Variants in STPG2 observed in about 807,000 individuals in gnomAD.
The protein encoded by STPG2 is sperm-tail PG-rich repeat-containing protein 2.
STPG2 carries 56 observed loss-of-function variants against 54.2 expected under a neutral mutation model. The observed-to-expected ratio is 1.03, with a 90% CI of 0.83 to 1.29. STPG2 has a LOEUF of 1.29. Ranked by LOEUF, STPG2 falls within the 50% of genes most tolerant of loss-of-function variation. The pLI is 0.00. For missense variants in STPG2, 596 were observed against 544.9 expected (o/e 1.09, Z -0.93); for synonymous variants, 200 against 181.8 (o/e 1.10, Z -0.81).
At chr4:97,830,530 A>G (rs1249947225) in intron 9 of STPG2, among the ~76,000 whole-genome samples, 1 of 152,174 alleles carries the variant, frequency 6.6e-6, no homozygotes, top group East Asian at 1.9e-4. Context: ...AACAATATTA[A>G]CCTTAAATTT....
At chr4:98,033,725 C>T (rs1044118301) in intron 5 of STPG2, among the ~76,000 whole-genome samples, 1 of 152,118 alleles carries the variant, frequency 6.6e-6, no homozygotes, top group South Asian at 2.1e-4. Context: ...AAACCGAATC[C>T]AGTAGCACAT....
intron 4 of STPG2, among the ~76,000 whole-genome samples, chr4:97,482,091 T>C (rs1730236768): frequency 6.6e-6 from 1 of 151,754 alleles, no homozygotes; most frequent in African/African-American, 2.4e-5. Context: ...TTTAAGATAA[T>C]CATTTTTTTC....
chr4:97,687,452 G>A (rs1308485897), intron 10 of STPG2, among the ~76,000 whole-genome samples: 1 of 151,898 alleles, frequency 6.6e-6, no homozygotes, highest in Non-Finnish European at 1.5e-5. Context: ...TGAGTCTCCT[G>A]TCTCAGCTTC....
intron 7 of STPG2, among the ~76,000 whole-genome samples, chr4:97,971,099 T>A (rs567770957): frequency 5.9e-5 from 9 of 152,202 alleles, no homozygotes; most frequent in African/African-American, 2.2e-4. Context: ...CAAAACACAA[T>A]GAGATACCAT....
In STPG2 at chr4:97,565,705, C is replaced by T. The variant is rs559958173; in HGVS notation, c.1321-6588G>A. ...GAGTTTGCTAGAGGTCCACTCCAGACCCTGTTTGCCTGGGTACCAGCAGCG... is the reference window on the plus strand; with the variant it reads ...GAGTTTGCTAGAGGTCCACTCCAGATCCTGTTTGCCTGGGTACCAGCAGCG... On this transcript the variant is annotated intron_variant, in intron 10 of 10. Coordinates refer to ENST00000295268, the MANE Select transcript of STPG2 (RefSeq NM_174952.3). Among the ~76,000 whole-genome samples the T allele has an allele frequency of 4.6e-5, 7 of 152,308 alleles. No homozygotes were observed. The South Asian group carries it at 1.0e-3, about 23-fold the overall frequency.
At chr4:98,049,821 G>A (rs1410163361) in intron 5 of STPG2, among the ~76,000 whole-genome samples, 4 of 152,126 alleles carry the variant, frequency 2.6e-5, no homozygotes, top group African/African-American at 4.8e-5. Flanking sequence ...AAACATTTAT[G>A]TCCCTCCTGA....
At chr4:98,053,076 A>G (rs1737375275) in intron 5 of STPG2, among the ~76,000 whole-genome samples, 1 of 152,234 alleles carries the variant, frequency 6.6e-6, no homozygotes, top group Admixed American at 6.5e-5. Context: ...ATGGCTGGCT[A>G]GTTGGTTAGT....
At chr4:97,451,649 G>C (rs1729368400) in intron 4 of STPG2, among the ~76,000 whole-genome samples, 1 of 152,086 alleles carries the variant, frequency 6.6e-6, no homozygotes, top group Non-Finnish European at 1.5e-5. Flanking sequence ...TATATTTGGA[G>C]GTATCAGAAT....
At chr4:97,742,448 A>C (rs1181938779) in intron 9 of STPG2, among the ~76,000 whole-genome samples, 1 of 150,998 alleles carries the variant, frequency 6.6e-6, no homozygotes, top group Non-Finnish European at 1.5e-5. Context: ...TGCCATGTTC[A>C]TTTTGGCATT....
At position 97,923,381 on chromosome 4, in the gene STPG2, G is replaced by A. The variant is rs187480163; in HGVS notation, c.1044+20516C>T. ...CTGCTCCAGGGCGCCCCGTCCCATC[G>A]ACTGCCCAAGGGCTAAGGAGTGCAG... is the stretch of plus-strand genomic sequence containing the variant. On this transcript the variant is annotated intron_variant, in intron 8 of 10. Transcript: ENST00000295268. 9.2e-3 allele frequency among the ~76,000 whole-genome samples: 1,285 copies of A among 139,504 alleles called. 6 individuals carry two copies. Among genetic ancestry groups the A allele is most frequent in the Non-Finnish European group, 0.013 (890 of 66,002 alleles). The allele number at this position is 139,504 out of a possible 152,430, so 91.5% of individuals were successfully genotyped here. A position where few individuals can be genotyped will look rare whatever the true frequency, so the allele number is the denominator to read the frequency against.
At chr4:97,508,249 T>C (rs975416693) in intron 4 of STPG2, among the ~76,000 whole-genome samples, 5 of 152,006 alleles carry the variant, frequency 3.3e-5, no homozygotes, top group African/African-American at 7.2e-5. Context: ...GACTGAAATA[T>C]TGAGAATACT....
chr4:97,895,115 G>C (rs1371351040), intron 8 of STPG2, among the ~76,000 whole-genome samples: 1 of 151,702 alleles, frequency 6.6e-6, no homozygotes, highest in African/African-American at 2.4e-5. Context: ...ATTCAATCTA[G>C]ATATAGGGCC....
intron 10 of STPG2, among the ~76,000 whole-genome samples, chr4:97,609,932 T>A (rs971487780): frequency 1.3e-5 from 2 of 152,004 alleles, no homozygotes; most frequent in East Asian, 3.9e-4. Flanking sequence ...AAAATGTATA[T>A]GTATATATAT....
At chr4:97,959,919 C>A (rs1311026031) in intron 7 of STPG2, among the ~76,000 whole-genome samples, 1 of 152,134 alleles carries the variant, frequency 6.6e-6, no homozygotes, top group South Asian at 2.1e-4. Context: ...AATGGATATC[C>A]CTGATGAACA....
intron 5 of STPG2, among the ~76,000 whole-genome samples, chr4:98,021,333 G>C (rs1314697017): frequency 7.4e-6 from 1 of 135,418 alleles, no homozygotes; most frequent in Non-Finnish European, 1.6e-5. Flanking sequence ...GCGGTTTTGA[G>C]TGAGTTTCTT....
At chr4:97,684,053 A>C (rs1382134242) in intron 10 of STPG2, among the ~76,000 whole-genome samples, 1 of 151,896 alleles carries the variant, frequency 6.6e-6, no homozygotes, top group Admixed American at 6.6e-5. Context: ...TTGACAAAAT[A>C]GGTACAAGAG....
intron 4 of STPG2, among the ~76,000 whole-genome samples, chr4:97,553,575 T>TA (rs35023858): frequency 5.5e-4 from 83 of 151,970 alleles, no homozygotes; most frequent in South Asian, 1.2e-3. Context: ...ATGTTTTAGG[T>TA]AAAAAAAAGT....
intron 8 of STPG2, among the ~76,000 whole-genome samples, chr4:97,905,975 A>G (rs924494970): frequency 6.6e-6 from 1 of 152,172 alleles, no homozygotes; most frequent in African/African-American, 2.4e-5. Context: ...GCAAGAGCAA[A>G]CACATTCAAA....
At chr4:97,991,415 C>A in intron 5 of STPG2, among the ~76,000 whole-genome samples, 1 of 140,724 alleles carries the variant, frequency 7.1e-6, no homozygotes. Flanking sequence ...ATATATACAC[C>A]ATGGAATACT....
Sources: allele counts gnomAD v4.1 joint callset (sites outside exome capture counted in the v4.1 genomes callset), GRCh38; gene constraint gnomAD v4.1.1; transcripts MANE v1.5; gene names NCBI Gene and HGNC (gene_info 2026-07-23, HGNC 2026-07-21).